Variants in PPP2R2C observed in about 807,000 individuals in gnomAD.
PPP2R2C encodes protein phosphatase 2 regulatory subunit Bgamma.
A neutral mutation model predicts 45.3 loss-of-function variants in PPP2R2C; 10 were observed. That is an observed-to-expected ratio of 0.22 (90% confidence interval 0.14 to 0.37). The LOEUF (loss-of-function observed/expected upper bound fraction) is 0.37. PPP2R2C is among the 10% of genes least tolerant of loss of function. The pLI, the probability that PPP2R2C is intolerant of heterozygous loss-of-function variation, is 1.00. For synonymous variants in PPP2R2C, 257 were observed against 245.4 expected (o/e 1.05, Z -0.44); for missense variants, 308 against 619.7 (o/e 0.50, Z 5.34).
At chr4:6,554,266 A>G (rs1725286199) in intron 1 of PPP2R2C, among the ~76,000 whole-genome samples, 1 of 152,222 alleles carries the variant, frequency 6.6e-6, no homozygotes, top group Non-Finnish European at 1.5e-5. Flanking sequence ...AGAGACAGAC[A>G]GGCACAGGGA....
At chr4:6,354,913 A>T (rs1713012284) in intron 5 of PPP2R2C, among the ~76,000 whole-genome samples, 1 of 152,096 alleles carries the variant, frequency 6.6e-6, no homozygotes, top group African/African-American at 2.4e-5. Flanking sequence ...CGTGTTGGGC[A>T]CATTCCCACT....
intron 2 of PPP2R2C, among the ~76,000 whole-genome samples, chr4:6,379,580 T>C (rs1434663363): frequency 6.6e-6 from 1 of 151,976 alleles, no homozygotes. Flanking sequence ...ATGAAGAAAA[T>C]CGCATCAACC....
In PPP2R2C at chr4:6,403,372, G is replaced by A. The variant is rs568150368; in HGVS notation, c.71-22278C>T. ...CCTGGCCTCTTCCTCCTCGCTTCCTGCCCCCTAGGTGTTTTTATTTGATTA... is the reference window on the plus strand; with the variant it reads ...CCTGGCCTCTTCCTCCTCGCTTCCTACCCCCTAGGTGTTTTTATTTGATTA... On this transcript the variant is annotated intron_variant, in intron 1 of 8. Coordinates refer to ENST00000382599, the MANE Select transcript of PPP2R2C (RefSeq NM_020416.4). Among the ~76,000 whole-genome samples the A allele has an allele frequency of 2.3e-3, 349 of 152,224 alleles. 1 individual carries two copies. The highest frequency in any genetic ancestry group is 8.1e-3 in the African/African-American group (338 of 41,526).
intron 1 of PPP2R2C, among the ~76,000 whole-genome samples, chr4:6,554,081 G>A (rs951422079): frequency 6.6e-6 from 1 of 152,148 alleles, no homozygotes; most frequent in African/African-American, 2.4e-5. Flanking sequence ...TGAACTGTGT[G>A]CTCTCCCCAC....
chr4:6,499,872 G>A (rs1722992119), intron 2 of PPP2R2C, among the ~76,000 whole-genome samples: 1 of 151,790 alleles, frequency 6.6e-6, no homozygotes, highest in South Asian at 2.1e-4. Context: ...CCCAATGCAA[G>A]GGTATGCCCC....
intron 6 of PPP2R2C, among the ~76,000 whole-genome samples, chr4:6,336,813 C>T (rs1161283483): frequency 1.8e-4 from 3 of 16,556 alleles, no homozygotes; most frequent in African/African-American, 8.0e-4. Flanking sequence ...CCATCCCTCC[C>T]TCCCTCCCTC....
At chr4:6,519,183 A>AC (rs1239052844) in intron 2 of PPP2R2C, among the ~76,000 whole-genome samples, 1 of 152,102 alleles carries the variant, frequency 6.6e-6, no homozygotes, top group African/African-American at 2.4e-5. Context: ...CCCCTAGAAT[A>AC]CCAGCTGTGT....
intron 8 of PPP2R2C, 105 bp from the exon 9 acceptor site, chr4:6,323,698 G>T: frequency 8.3e-7 from 1 of 1,202,414 alleles, no homozygotes; most frequent in Admixed American, 3.1e-5. Flanking sequence ...GACTTTGGGA[G>T]GCCCCGGTGG....
intron 2 of PPP2R2C, among the ~76,000 whole-genome samples, chr4:6,524,354 C>T (rs998854575): frequency 3.3e-5 from 5 of 152,084 alleles, no homozygotes; most frequent in South Asian, 2.1e-4. Context: ...GCAGATTCAC[C>T]GCAACAGAAA....
rs140603212 is a variant in PPP2R2C at position 6,413,977 on chromosome 4, T to G, written c.71-32883A>C. 1.7e-4 allele frequency: 258 copies of G among 1,535,816 alleles called. 1 individual carries two copies. The African/African-American group carries it at 2.9e-3, about 17-fold the overall frequency. On this transcript the variant is annotated intron_variant, in intron 1 of 8. Transcript: ENST00000382599. ...GGCTGCTCCCTGGTGGCTCTGCAGT[T>G]GGCTACTGCCATGTTGCCAGTCAAT... is the stretch of plus-strand genomic sequence containing the variant.
chr4:6,336,494 C>T (rs985567957), intron 6 of PPP2R2C, among the ~76,000 whole-genome samples: 4 of 151,948 alleles, frequency 2.6e-5, no homozygotes, highest in South Asian at 2.1e-4. Flanking sequence ...GAGCCAAGGG[C>T]GCTTTTCAGG....
chr4:6,405,527 C>T lies in PPP2R2C; in HGVS notation c.71-24433G>A, dbSNP rs1337598521. The stretch of plus-strand genomic sequence containing the variant: ...TCCGAATTTAATTATGAGGAAGGGA[C>T]CCCAAGGGCAACCCCGTGCAGAGCA... On this transcript the variant is annotated intron_variant, in intron 1 of 8. Transcript: ENST00000382599. 2.0e-5 allele frequency among the ~76,000 whole-genome samples: 3 copies of T among 152,190 alleles called. No individual in the cohort carries two copies. The East Asian group carries it at 5.8e-4, about 29-fold the overall frequency.
Position 6,331,668 on chromosome 4 carries a change from T to C in PPP2R2C, c.960+1894A>G, listed in dbSNP as rs1666062191. Among the ~76,000 whole-genome samples, 1 of 152,142 alleles carries C rather than the reference T, an allele frequency of 6.6e-6. No homozygotes were observed. Among genetic ancestry groups the C allele is most frequent in the Non-Finnish European group, 1.5e-5 (1 of 68,026 alleles). On this transcript the variant is annotated intron_variant, in intron 7 of 8. Coordinates refer to ENST00000382599, the MANE Select transcript of PPP2R2C (RefSeq NM_020416.4). This position sits in a 1 kb window ranked among gnomAD's most constrained non-coding sequence, Gnocchi z 5.9. ...CCTGCCTGGAATGTAGGCAAAGTGC[T>C]TGGAGGTGTGGCAGCCACTTTGCCA...
intron 1 of PPP2R2C, among the ~76,000 whole-genome samples, chr4:6,464,124 T>C (rs1721471336): frequency 1.3e-5 from 2 of 152,188 alleles, no homozygotes; most frequent in African/African-American, 4.8e-5. Flanking sequence ...GGGGAAATAA[T>C]ATACACAACA....
upstream of PPP2R2C, among the ~76,000 whole-genome samples, chr4:6,472,717 G>C (rs1721983485): frequency 6.6e-6 from 1 of 151,706 alleles, no homozygotes; most frequent in African/African-American, 2.4e-5. Context: ...CGCCCAAGCC[G>C]AGGCTGCACC....
At chr4:6,419,585 T>C (rs185336767) in intron 1 of PPP2R2C, among the ~76,000 whole-genome samples, 1 of 152,210 alleles carries the variant, frequency 6.6e-6, no homozygotes, top group Admixed American at 6.5e-5. Context: ...AAGAGGAGTA[T>C]CAGGGACTCC....
intron 2 of PPP2R2C, among the ~76,000 whole-genome samples, chr4:6,522,155 G>T (rs1405351517): frequency 1.3e-5 from 2 of 152,188 alleles, no homozygotes; most frequent in Non-Finnish European, 2.9e-5. Flanking sequence ...CCTTCTCCCT[G>T]CCTTTCCTGG....
chr4:6,329,141 C>T lies in PPP2R2C; in HGVS notation c.1052+121G>A, dbSNP rs1455784306. 7 of 882,038 alleles carry T rather than the reference C, an allele frequency of 7.9e-6. No individual in the cohort carries two copies. The highest frequency in any genetic ancestry group is 1.1e-5 in the Non-Finnish European group (6 of 548,892). The allele number at this position is 882,038 out of a possible 1,614,324, so 54.6% of individuals were successfully genotyped here. On this transcript the variant is annotated intron_variant, in intron 8 of 8. Transcript: ENST00000382599. This position sits in a 1 kb window ranked among gnomAD's most constrained non-coding sequence, Gnocchi z 5.8. ...GGAAAGCGTGGGCTTCACCCAGACA[C>T]CTGGACCCATTGAGGCTGAGTAGCC...
At chr4:6,370,737 T>C (rs1714744282) in intron 5 of PPP2R2C, among the ~76,000 whole-genome samples, 1 of 152,132 alleles carries the variant, frequency 6.6e-6, no homozygotes, top group Admixed American at 6.5e-5. Context: ...GGCCCGCAGC[T>C]CTCTTACAGT....
Sources: gnomAD v4.1 joint callset for allele counts (sites outside exome capture counted in the v4.1 genomes callset) on GRCh38, gnomAD v4.1.1 for gene constraint, Gnocchi (gnomAD v3.1) non-coding constraint, MANE v1.5 for transcripts, NCBI Gene and HGNC (gene_info 2026-07-23, HGNC 2026-07-21) for gene names.